The following ST3GAL1 variants were observed in gnomAD, a reference collection of about 807,000 sequenced individuals.
The protein encoded by ST3GAL1 is ST3 beta-galactoside alpha-2,3-sialyltransferase 1.
A neutral mutation model predicts 34.1 loss-of-function variants in ST3GAL1; 16 were observed. The observed-to-expected ratio is 0.47, with a 90% CI of 0.32 to 0.71. The LOEUF is 0.71. Ranked by LOEUF, ST3GAL1 falls within the 30% of genes least tolerant of loss-of-function variation. The probability of loss-of-function intolerance (pLI) is 0.04; values close to 1 mark genes in which losing one functional copy is unlikely to be tolerated. For missense variants in ST3GAL1, 353 were observed against 447.4 expected (o/e 0.79, Z 1.90); for synonymous variants, 191 against 184.7 (o/e 1.03, Z -0.28).
Position 133,461,670 on chromosome 8 carries a change from C to A in ST3GAL1, c.849+205G>T, listed in dbSNP as rs149155856. Among the ~76,000 whole-genome samples, 605 of 152,312 alleles carry A rather than the reference C, an allele frequency of 4.0e-3. 3 individuals carry two copies. Among genetic ancestry groups the A allele is most frequent in the Middle Eastern group, 0.014 (4 of 294 alleles). On this transcript the variant is annotated intron_variant, in intron 9 of 9. Coordinates refer to ENST00000522652, the MANE Select transcript of ST3GAL1 (RefSeq NM_173344.3). This position sits in a 1 kb window ranked among gnomAD's most constrained non-coding sequence, Gnocchi z 4.7. ...TACACAGAATGTGCCAGAACTATTGCTCCTGAGAACTTTCTCATAGAGCAC... is the reference window on the plus strand; with the variant it reads ...TACACAGAATGTGCCAGAACTATTGATCCTGAGAACTTTCTCATAGAGCAC...
chr8:133,533,828 T>A (rs1274752091), intron 2 of ST3GAL1, among the ~76,000 whole-genome samples: 1 of 152,202 alleles, frequency 6.6e-6, no homozygotes, highest in African/African-American at 2.4e-5. Context: ...ATAGTTCAAA[T>A]GACAGAAAAT....
intron 3 of ST3GAL1, among the ~76,000 whole-genome samples, chr8:133,481,250 A>C (rs775203977): frequency 1.3e-5 from 2 of 152,186 alleles, no homozygotes; most frequent in South Asian, 4.1e-4. Flanking sequence ...CAGAAGTGGC[A>C]CATTACTTTG....
chr8:133,485,512 G>A (rs571146503), intron 3 of ST3GAL1, among the ~76,000 whole-genome samples: 12 of 152,266 alleles, frequency 7.9e-5, no homozygotes, highest in South Asian at 4.1e-4. Context: ...CTGGATCCCC[G>A]AATCAAATCC....
intron 3 of ST3GAL1, among the ~76,000 whole-genome samples, chr8:133,479,065 G>A (rs1010564217): frequency 2.0e-5 from 3 of 152,058 alleles, no homozygotes; most frequent in South Asian, 2.1e-4. Context: ...TAGCCCTTCC[G>A]AACCATCCCT....
rs188235075 is a variant in ST3GAL1, at chr8:133,480,749, C to T, written c.-373-4149G>A. On this transcript the variant is annotated intron_variant, in intron 3 of 9. Coordinates refer to ENST00000522652, the MANE Select transcript of ST3GAL1 (RefSeq NM_173344.3). Reference sequence around the variant, plus strand: ...CCTGTGGCTTTCTGTGTAGCCGTGGCTCATCATTCAATTCCATCAATACCT... The same window carrying T: ...CCTGTGGCTTTCTGTGTAGCCGTGGTTCATCATTCAATTCCATCAATACCT... 1.9e-3 allele frequency among the ~76,000 whole-genome samples: 297 copies of T among 152,322 alleles called. 1 individual carries two copies. Among genetic ancestry groups the T allele is most frequent in the African/African-American group, 6.9e-3 (288 of 41,566 alleles).
intron 3 of ST3GAL1, among the ~76,000 whole-genome samples, chr8:133,488,811 C>T (rs761657868): frequency 1.3e-5 from 2 of 152,222 alleles, no homozygotes; most frequent in East Asian, 1.9e-4. Context: ...GTGAGTCCAA[C>T]GAACTGAAAG....
intron 2 of ST3GAL1, among the ~76,000 whole-genome samples, chr8:133,528,434 A>G (rs969266722): frequency 2.0e-5 from 3 of 152,250 alleles, no homozygotes; most frequent in East Asian, 1.9e-4. Context: ...TCCTGACTGC[A>G]GGACAGTCTG....
chr8:133,530,152 G>C (rs1252098521), intron 2 of ST3GAL1, among the ~76,000 whole-genome samples: 2 of 152,112 alleles, frequency 1.3e-5, no homozygotes, highest in Non-Finnish European at 2.9e-5. Context: ...GAGCAGGGGG[G>C]GTGACATGGT....
At chr8:133,464,397 A>T (rs1407529247) in intron 7 of ST3GAL1, among the ~76,000 whole-genome samples, 2 of 151,956 alleles carry the variant, frequency 1.3e-5, no homozygotes, top group African/African-American at 4.8e-5. Context: ...AGGAACCCTC[A>T]CCCTGCCACG....
chr8:133,567,663 C>A (rs1361399537), intron 1 of ST3GAL1, among the ~76,000 whole-genome samples: 1 of 152,122 alleles, frequency 6.6e-6, no homozygotes, highest in Non-Finnish European at 1.5e-5. Context: ...CAAAATCTAG[C>A]GTTGAGAACT....
Position 133,455,162 on chromosome 8 carries a change from G to A in ST3GAL1, c.*4602C>T, listed in dbSNP as rs1402606941. On this transcript the variant is annotated 3_prime_UTR_variant, in exon 10 of 10. Coordinates refer to ENST00000522652, the MANE Select transcript of ST3GAL1 (RefSeq NM_173344.3). ...GGGAAGAAACCCACGATCACCCTAA[G>A]GGGCGGGGGGCTGGAGGGCGAGGCC... 6.6e-6 allele frequency: 1 copy of A among 152,330 alleles called. No homozygotes were observed. The highest frequency in any genetic ancestry group is 6.5e-5 in the Admixed American group (1 of 15,288). The allele number at this position is 152,330 out of a possible 1,614,324, so 9.4% of individuals were successfully genotyped here.
intron 2 of ST3GAL1, among the ~76,000 whole-genome samples, chr8:133,511,755 G>A (rs1156879812): frequency 6.6e-6 from 1 of 152,120 alleles, no homozygotes; most frequent in Non-Finnish European, 1.5e-5. Context: ...ATATAAAGGG[G>A]AGTTTATTAA....
intron 3 of ST3GAL1, among the ~76,000 whole-genome samples, chr8:133,492,882 C>T (rs1586614593): frequency 6.6e-6 from 1 of 152,210 alleles, no homozygotes; most frequent in South Asian, 2.1e-4. Flanking sequence ...TCCACTCAGC[C>T]CTACTCTGCC....
intron 1 of ST3GAL1, among the ~76,000 whole-genome samples, chr8:133,550,022 C>G (rs1157670565): frequency 6.6e-6 from 1 of 152,154 alleles, no homozygotes; most frequent in African/African-American, 2.4e-5. Flanking sequence ...GTGGGGCTCA[C>G]CTTTTGCAGC....
chr8:133,491,403 G>C (rs1312909075), intron 3 of ST3GAL1, among the ~76,000 whole-genome samples: 1 of 152,102 alleles, frequency 6.6e-6, no homozygotes, highest in Admixed American at 6.6e-5. Flanking sequence ...GCTGGAGGCT[G>C]ATAAAGAAGA....
At chr8:133,496,463 C>G (rs1816948910) in intron 3 of ST3GAL1, among the ~76,000 whole-genome samples, 1 of 152,208 alleles carries the variant, frequency 6.6e-6, no homozygotes, top group Non-Finnish European at 1.5e-5. Context: ...GGGGAGCTGA[C>G]AGAAGCCCCG....
rs77594849 is a variant in ST3GAL1 at position 133,466,638 on chromosome 8, G to A, written c.307-548C>T. Among the ~76,000 whole-genome samples the A allele has an allele frequency of 1.4e-3, 206 of 152,260 alleles. 1 individual carries two copies. Among genetic ancestry groups the A allele is most frequent in the African/African-American group, 4.6e-3 (190 of 41,546 alleles). On this transcript the variant is annotated intron_variant, in intron 5 of 9. Coordinates refer to ENST00000522652, the MANE Select transcript of ST3GAL1 (RefSeq NM_173344.3). This position sits in a 1 kb window ranked among gnomAD's most constrained non-coding sequence, Gnocchi z 4.4. ...GTGGAAATGCCAGTTCTCCAGCCCC[G>A]GCCAGGGATGGGGGACAGAGCAGTA...
chr8:133,507,394 G>A (rs1423046566), intron 2 of ST3GAL1, among the ~76,000 whole-genome samples: 2 of 152,268 alleles, frequency 1.3e-5, no homozygotes, highest in East Asian at 3.8e-4. Context: ...CCATGGCGAT[G>A]GTAGGGAAGA....
At chr8:133,486,593 G>C (rs1816610599) in intron 3 of ST3GAL1, among the ~76,000 whole-genome samples, 1 of 152,214 alleles carries the variant, frequency 6.6e-6, no homozygotes, top group African/African-American at 2.4e-5. Context: ...GGCCTGAGAG[G>C]AGGTCCTGGC....
Sources: allele counts gnomAD v4.1 joint callset (sites outside exome capture counted in the v4.1 genomes callset), GRCh38; gene constraint gnomAD v4.1.1; non-coding constraint Gnocchi (gnomAD v3.1); transcripts MANE v1.5; gene names NCBI Gene and HGNC (gene_info 2026-07-23, HGNC 2026-07-21).